PTPRK: variants seen among roughly 807,000 people sequenced by gnomAD.
PTPRK encodes the protein receptor-type tyrosine-protein phosphatase kappa.
PTPRK carries 75 observed loss-of-function variants against 178.0 expected under a neutral mutation model. The observed-to-expected ratio is 0.42, with a 90% CI of 0.35 to 0.51. The LOEUF is 0.51. PTPRK is among the 20% of genes least tolerant of loss of function. The pLI, the probability that PTPRK is intolerant of heterozygous loss-of-function variation, is 0.02. For missense variants in PTPRK, 1,441 were observed against 1,797.8 expected (o/e 0.80, Z 3.59); for synonymous variants, 637 against 620.6 (o/e 1.03, Z -0.39).
chr6:128,334,499 A>T (rs1479520690), intron 2 of PTPRK, among the ~76,000 whole-genome samples: 1 of 152,244 alleles, frequency 6.6e-6, no homozygotes, highest in South Asian at 2.1e-4. Context: ...AATAACAATT[A>T]TAACTATTCA....
chr6:128,477,934 CA>C (rs1851573902), intron 1 of PTPRK, among the ~76,000 whole-genome samples: 1 of 152,042 alleles, frequency 6.6e-6, no homozygotes, highest in African/African-American at 2.4e-5. Flanking sequence ...CTCCATATGC[CA>C]TTGCCACTGC....
intron 3 of PTPRK, among the ~76,000 whole-genome samples, chr6:128,316,875 C>T (rs963793973): frequency 5.3e-5 from 8 of 151,950 alleles, no homozygotes; most frequent in African/African-American, 1.7e-4. Context: ...CGCCACCATG[C>T]CCGGCTAATT....
At chr6:128,332,771 T>C (rs773514940) in intron 2 of PTPRK, among the ~76,000 whole-genome samples, 1 of 152,186 alleles carries the variant, frequency 6.6e-6, no homozygotes, top group Non-Finnish European at 1.5e-5. Context: ...CTCAGTCTTA[T>C]CCTTCCTATT....
chr6:128,072,934 T>C (rs1783088324), intron 11 of PTPRK, among the ~76,000 whole-genome samples: 1 of 152,008 alleles, frequency 6.6e-6, no homozygotes, highest in African/African-American at 2.4e-5. Flanking sequence ...ATCAGAACCA[T>C]AAATGGTATT....
At chr6:128,517,203 C>T (rs559495663) in intron 1 of PTPRK, among the ~76,000 whole-genome samples, 5 of 152,010 alleles carry the variant, frequency 3.3e-5, no homozygotes, top group African/African-American at 9.6e-5. Flanking sequence ...GATGATTACA[C>T]CCCAGATAGC....
chr6:127,991,436 G>A (rs573392393), intron 19 of PTPRK, 45 bp from the exon 20 acceptor site: 4 of 1,445,138 alleles, frequency 2.8e-6, no homozygotes, highest in Admixed American at 2.1e-5. Context: ...AAGGAATTTT[G>A]TAGTTAGTAA....
chr6:127,984,070 G>A (rs1212352665), intron 22 of PTPRK, among the ~76,000 whole-genome samples: 8 of 151,990 alleles, frequency 5.3e-5, no homozygotes, highest in Non-Finnish European at 1.2e-4. Context: ...TAATTCTAAA[G>A]TTAATTTTTA....
intron 7 of PTPRK, among the ~76,000 whole-genome samples, chr6:128,138,978 T>C (rs1795399337): frequency 6.6e-6 from 1 of 151,996 alleles, no homozygotes; most frequent in African/African-American, 2.4e-5. Flanking sequence ...GTATGGTGTA[T>C]AGGCAATTAA....
chr6:128,200,567 T>C (rs1012620723), intron 6 of PTPRK, among the ~76,000 whole-genome samples: 5 of 151,464 alleles, frequency 3.3e-5, no homozygotes, highest in Non-Finnish European at 7.4e-5. Context: ...CTCTATGAAA[T>C]ATAAAGATAA....
chr6:128,355,469 G>A (rs1229061210), intron 2 of PTPRK, among the ~76,000 whole-genome samples: 1 of 152,134 alleles, frequency 6.6e-6, no homozygotes, highest in East Asian at 1.9e-4. Context: ...TTTGTAGAGG[G>A]CCTATTGTGT....
chr6:128,072,367 C>CA (rs1782980577), intron 11 of PTPRK, among the ~76,000 whole-genome samples: 1 of 151,938 alleles, frequency 6.6e-6, no homozygotes, highest in Non-Finnish European at 1.5e-5. Context: ...GAATATAATA[C>CA]ATCTAACCCA....
At chr6:128,517,976 A>G (rs1002740435) in intron 1 of PTPRK, among the ~76,000 whole-genome samples, 2 of 152,234 alleles carry the variant, frequency 1.3e-5, no homozygotes, top group Non-Finnish European at 2.9e-5. Flanking sequence ...GTCTGCAACA[A>G]ATCTGACTGC....
In PTPRK at chr6:128,035,091, G is replaced by A. The variant is rs979617676; in HGVS notation, c.2195-25823C>T. 3.3e-5 allele frequency among the ~76,000 whole-genome samples: 5 copies of A among 152,128 alleles called. No individual in the cohort carries two copies. The East Asian group carries it at 9.6e-4, about 29-fold the overall frequency. ...ATGCAGATTAAAAACAATTACATTG[G>A]CTGGGCACGGTGGCTCAAGCCTGGC... On this transcript the variant is annotated intron_variant, in intron 13 of 29. Transcript: ENST00000368226.
At chr6:128,441,505 C>T (rs562286557) in intron 1 of PTPRK, among the ~76,000 whole-genome samples, 1 of 152,138 alleles carries the variant, frequency 6.6e-6, no homozygotes, top group African/African-American at 2.4e-5. Context: ...CATTGGTTTT[C>T]ATGTCAAGGA....
chr6:128,024,737 G>C (rs1015303593), intron 13 of PTPRK, among the ~76,000 whole-genome samples: 3 of 152,118 alleles, frequency 2.0e-5, no homozygotes, highest in Non-Finnish European at 2.9e-5. Context: ...AACCTCCTGG[G>C]AGGCAGAGGT....
At chr6:128,444,351 C>A (rs1448877703) in intron 1 of PTPRK, among the ~76,000 whole-genome samples, 1 of 152,124 alleles carries the variant, frequency 6.6e-6, no homozygotes, top group Non-Finnish European at 1.5e-5. Flanking sequence ...CCCTGGCTTG[C>A]CTTTAGCAAG....
chr6:128,459,893 G>C (rs572112156), intron 1 of PTPRK, among the ~76,000 whole-genome samples: 1 of 151,222 alleles, frequency 6.6e-6, no homozygotes, highest in African/African-American at 2.5e-5. Flanking sequence ...CTTCTGGAGA[G>C]GGCTCAGGGA....
chr6:127,976,578 TGTC>T, intron 27 of PTPRK, 76 bp downstream of exon 27: 11 of 1,526,234 alleles, frequency 7.2e-6, no homozygotes, highest in Admixed American at 3.4e-5. Flanking sequence ...GTCTCCCTGT[TGTC>T]TGAATAAAAT....
chr6:128,188,873 G>A (rs866557448), intron 6 of PTPRK, among the ~76,000 whole-genome samples: 1 of 152,058 alleles, frequency 6.6e-6, no homozygotes, highest in Non-Finnish European at 1.5e-5. Context: ...ATCTCCCTCT[G>A]CCTTCCATAT....
Sources: gnomAD v4.1 joint callset for allele counts (sites outside exome capture counted in the v4.1 genomes callset) on GRCh38, gnomAD v4.1.1 for gene constraint, MANE v1.5 for transcripts, NCBI Gene and HGNC (gene_info 2026-07-23, HGNC 2026-07-21) for gene names.